The following AUTS2 variants were observed in gnomAD, a reference collection of about 807,000 sequenced individuals.
The protein encoded by AUTS2 is autism susceptibility gene 2 protein.
Under a neutral mutation model 112.4 loss-of-function variants are expected in AUTS2, and 17 were observed. The observed-to-expected ratio is 0.15, with a 90% CI of 0.10 to 0.23. The LOEUF is 0.23. Ranked by LOEUF, AUTS2 falls within the 10% of genes least tolerant of loss-of-function variation. The probability of loss-of-function intolerance (pLI) is 1.00; values close to 1 mark genes in which losing one functional copy is unlikely to be tolerated. For synonymous variants in AUTS2, 751 were observed against 702.7 expected (o/e 1.07, Z -1.09); for missense variants, 1,510 against 1,701.6 (o/e 0.89, Z 1.98).
chr7:69,804,427 G>C (rs1056337937), intron 1 of AUTS2, among the ~76,000 whole-genome samples: 1 of 152,166 alleles, frequency 6.6e-6, no homozygotes, highest in Non-Finnish European at 1.5e-5. Context: ...CATGTCAGAG[G>C]TTTACCTCAC....
intron 3 of AUTS2, 154 bp downstream of exon 3, chr7:70,118,387 C>T (rs1412177919): frequency 1.8e-5 from 16 of 903,650 alleles, no homozygotes; most frequent in Non-Finnish European, 2.3e-5. Flanking sequence ...TCTTTGTATA[C>T]TTATTTGAGC....
At chr7:69,630,498 A>T (rs1794180585) in intron 1 of AUTS2, among the ~76,000 whole-genome samples, 1 of 152,136 alleles carries the variant, frequency 6.6e-6, no homozygotes, top group East Asian at 1.9e-4. Context: ...TCACAGCGTG[A>T]CCTTTCAGGG....
intron 2 of AUTS2, among the ~76,000 whole-genome samples, chr7:69,922,453 G>A (rs550905796): frequency 1.6e-4 from 24 of 152,288 alleles, no homozygotes; most frequent in African/African-American, 5.8e-4. Context: ...CTTAAGCTTC[G>A]CTGCTTTCTT....
chr7:69,893,278 A>G (rs1261155068), intron 1 of AUTS2, among the ~76,000 whole-genome samples: 3 of 152,208 alleles, frequency 2.0e-5, no homozygotes, highest in Admixed American at 2.0e-4. Flanking sequence ...ATCTGTTCAT[A>G]AAGTCCATTT....
chr7:70,222,155 T>C (rs6460540), intron 4 of AUTS2, among the ~76,000 whole-genome samples: 17,158 of 152,278 alleles, frequency 0.11, 1,047 homozygotes, highest in Admixed American at 0.15. Context: ...GCATTTTACA[T>C]ATTTATGTTA....
chr7:70,319,588 G>C (rs554452371), intron 4 of AUTS2, among the ~76,000 whole-genome samples: 70 of 152,316 alleles, frequency 4.6e-4, no homozygotes, highest in African/African-American at 1.7e-3. Flanking sequence ...TCTCCTGTGT[G>C]TTTAGTGTTG....
At chr7:70,649,536 A>ATTTT (rs1419447617) in intron 5 of AUTS2, among the ~76,000 whole-genome samples, 14 of 149,668 alleles carry the variant, frequency 9.4e-5, no homozygotes, top group African/African-American at 3.0e-4. Flanking sequence ...TTATTTATTT[A>ATTTT]TTTATTTTTT....
At chr7:69,978,882 A>ACACACACG (rs1349176490) in intron 2 of AUTS2, among the ~76,000 whole-genome samples, 1 of 149,920 alleles carries the variant, frequency 6.7e-6, no homozygotes, top group East Asian at 2.0e-4. Flanking sequence ...ACACACACAC[A>ACACACACG]CACACACACA....
chr7:70,418,786 GA>G (rs1290520459), intron 4 of AUTS2, among the ~76,000 whole-genome samples: 2 of 151,246 alleles, frequency 1.3e-5, no homozygotes, highest in Non-Finnish European at 2.9e-5. Flanking sequence ...ATGTAAAGAT[GA>G]AAATAAAAGT....
intron 2 of AUTS2, among the ~76,000 whole-genome samples, chr7:70,078,816 G>A (rs1324538129): frequency 2.0e-5 from 3 of 152,182 alleles, no homozygotes; most frequent in African/African-American, 7.2e-5. Flanking sequence ...GAAGAATTTT[G>A]ACTTTGTTAG....
chr7:70,036,039 C>A (rs7806413), intron 2 of AUTS2, among the ~76,000 whole-genome samples: 12,000 of 152,224 alleles, frequency 0.079, 623 homozygotes, highest in African/African-American at 0.13. Flanking sequence ...GGACAGACTG[C>A]TTTGAATGGG....
At chr7:69,769,143 C>T (rs953512087) in intron 1 of AUTS2, among the ~76,000 whole-genome samples, 1 of 152,204 alleles carries the variant, frequency 6.6e-6, no homozygotes, top group African/African-American at 2.4e-5. Context: ...GATACATAGG[C>T]ATACCCTTAA....
chr7:69,715,247 G>C (rs963871441), intron 1 of AUTS2, among the ~76,000 whole-genome samples: 1 of 128,030 alleles, frequency 7.8e-6, no homozygotes, highest in African/African-American at 2.9e-5. Flanking sequence ...AAAAAAAAAA[G>C]GAAAAAGTGA....
chr7:70,412,159 T>A (rs1324497009), intron 4 of AUTS2, among the ~76,000 whole-genome samples: 1 of 152,080 alleles, frequency 6.6e-6, no homozygotes, highest in Non-Finnish European at 1.5e-5. Context: ...CCTCCCAAAG[T>A]GCTGGGATTA....
At chr7:69,666,314 A>T (rs903090314) in intron 1 of AUTS2, among the ~76,000 whole-genome samples, 1 of 152,210 alleles carries the variant, frequency 6.6e-6, no homozygotes, top group Non-Finnish European at 1.5e-5. Flanking sequence ...CTATGTAATT[A>T]GGTAAGAGAA....
intron 4 of AUTS2, among the ~76,000 whole-genome samples, chr7:70,244,767 G>T (rs1812807597): frequency 6.6e-6 from 1 of 152,166 alleles, no homozygotes; most frequent in African/African-American, 2.4e-5. Flanking sequence ...AGGGAATGGT[G>T]CTTGATCCTT....
At chr7:70,648,249 A>G (rs1046646316) in intron 5 of AUTS2, among the ~76,000 whole-genome samples, 1 of 151,972 alleles carries the variant, frequency 6.6e-6, no homozygotes, top group Non-Finnish European at 1.5e-5. Flanking sequence ...GCCCCCCTCC[A>G]CCACCAGACT....
intron 1 of AUTS2, among the ~76,000 whole-genome samples, chr7:69,658,001 T>C (rs1795622916): frequency 6.6e-6 from 1 of 152,272 alleles, no homozygotes; most frequent in African/African-American, 2.4e-5. Flanking sequence ...GGTCATGAGC[T>C]AAGAACAGTT....
chr7:70,630,168 T>C (rs1176531961), intron 5 of AUTS2, among the ~76,000 whole-genome samples: 1 of 152,174 alleles, frequency 6.6e-6, no homozygotes, highest in Non-Finnish European at 1.5e-5. Context: ...AGCTCTATAT[T>C]GCAGTGTGCT....
Sources: allele counts gnomAD v4.1 joint callset (sites outside exome capture counted in the v4.1 genomes callset), GRCh38; gene constraint gnomAD v4.1.1; transcripts MANE v1.5; gene names NCBI Gene and HGNC (gene_info 2026-07-23, HGNC 2026-07-21).